MVD: variants seen among roughly 807,000 people sequenced by gnomAD.
The protein encoded by MVD is diphosphomevalonate decarboxylase.
Under a neutral mutation model 42.4 loss-of-function variants are expected in MVD, and 52 were observed. The observed-to-expected ratio is 1.23, with a 90% CI of 0.98 to 1.55. The LOEUF is 1.55. MVD is among the 40% of genes most tolerant of loss of function. The probability of loss-of-function intolerance (pLI) is 0.00; values close to 1 mark genes in which losing one functional copy is unlikely to be tolerated. For synonymous variants in MVD, 287 were observed against 243.2 expected (o/e 1.18, Z -1.68); for missense variants, 663 against 572.1 (o/e 1.16, Z -1.62).
At chr16:88,659,803 T>C (rs959657325) in intron 1 of MVD, among the ~76,000 whole-genome samples, 1 of 151,666 alleles carries the variant, frequency 6.6e-6, no homozygotes, top group Non-Finnish European at 1.5e-5. Context: ...CCATCTCTAC[T>C]AAAAATACAA....
intron 1 of MVD, chr16:88,662,576 A>T: frequency 1.2e-6 from 1 of 832,872 alleles, no homozygotes; most frequent in Non-Finnish European, 1.6e-6. Context: ...GGAGGGACAC[A>T]GGGTCTCGGG....
intron 1 of MVD, 47 bp from the exon 2 acceptor site, chr16:88,658,767 C>CCCCCCCCCCCTT: frequency 2.0e-6 from 3 of 1,491,542 alleles, no homozygotes; most frequent in Non-Finnish European, 1.8e-6. Context: ...CCGGCCCACC[C>CCCCCCCCCCCTT]TCCCCCAGTG....
chr16:88,657,902 G>T lies in MVD; in HGVS notation c.256+13C>A. Reference sequence around the variant, plus strand: ...CAACAGGGAGGGATGGGCTTATGGGGACCCCAGCTCACTCTCCCGCAGGCA... The same window carrying T: ...CAACAGGGAGGGATGGGCTTATGGGTACCCCAGCTCACTCTCCCGCAGGCA... On this transcript the variant is annotated intron_variant, in intron 3 of 9. Transcript: ENST00000301012. 1 of 1,610,652 alleles carries T rather than the reference G, an allele frequency of 6.2e-7. No individual in the cohort carries two copies. The highest frequency in any genetic ancestry group is 8.5e-7 in the Non-Finnish European group (1 of 1,178,046).
In MVD at chr16:88,653,285, A is replaced by G. The variant is rs776796831; in HGVS notation, c.1122+15T>C. On this transcript the variant is annotated intron_variant, in intron 9 of 9. Coordinates refer to ENST00000301012, the MANE Select transcript of MVD (RefSeq NM_002461.3). The stretch of plus-strand genomic sequence containing the variant: ...AAAGGAAACCCCGGGGTACTGGGTG[A>G]GCCCCAGGCCTCACCTGAGTGACAA... 1 of 1,589,714 alleles carries G rather than the reference A, an allele frequency of 6.3e-7. No individual in the cohort carries two copies. The highest frequency in any genetic ancestry group is 8.5e-7 in the Non-Finnish European group (1 of 1,170,328).
Position 88,655,264 on chromosome 16 carries a change from T to TGAGGTAAGAGATGGGCGGG in MVD, c.813_831dup (p.Asn278ProfsTer34). ...TGGATGATGCGCCAGGAGATGGCAT[T>TGAGGTAAGAGATGGGCGGG]GAGGTAAGAGATGGGCGGGAAGGTG... On this transcript the variant is annotated frameshift_variant, in exon 7 of 10. Coordinates refer to ENST00000301012, the MANE Select transcript of MVD (RefSeq NM_002461.3). 1 of 1,590,406 alleles carries TGAGGTAAGAGATGGGCGGG rather than the reference T, an allele frequency of 6.3e-7. No individual in the cohort carries two copies. The highest frequency in any genetic ancestry group is 1.1e-5 in the South Asian group (1 of 87,324).
chr16:88,652,705 C>T (rs1907651414), intron 9 of MVD, 100 bp from the exon 10 acceptor site: 8 of 1,171,452 alleles, frequency 6.8e-6, no homozygotes, highest in African/African-American at 1.5e-5. Flanking sequence ...GGTGTGCCCC[C>T]GCCCTTCCTG....
intron 1 of MVD, among the ~76,000 whole-genome samples, chr16:88,659,581 C>T (rs1465298690): frequency 6.6e-6 from 1 of 152,176 alleles, no homozygotes; most frequent in Non-Finnish European, 1.5e-5. Context: ...TTCTTTTCTG[C>T]TTGCCCTAGA....
intron 8 of MVD, among the ~76,000 whole-genome samples, 178 bp downstream of exon 8, chr16:88,654,514 G>A (rs1012141718): frequency 8.5e-5 from 13 of 152,202 alleles, no homozygotes; most frequent in African/African-American, 3.1e-4. Flanking sequence ...CCCTGTGGAC[G>A]TGGGCTGTGG....
chr16:88,653,196 T>C, intron 9 of MVD, 104 bp downstream of exon 9: 5 of 839,618 alleles, frequency 6.0e-6, no homozygotes, highest in African/African-American at 3.5e-5. Context: ...TGAGACACGG[T>C]AGGGACAGGG....
chr16:88,662,755 T>C, intron 1 of MVD: 16 of 1,480,940 alleles, frequency 1.1e-5, no homozygotes, highest in Middle Eastern at 1.7e-4. Flanking sequence ...AGTTCGGTAA[T>C]CGCTAATGGG....
Position 88,652,349 on chromosome 16 carries a change from C to G in MVD, c.*176G>C, listed in dbSNP as rs986186808. On this transcript the variant is annotated 3_prime_UTR_variant, in exon 10 of 10. Coordinates refer to ENST00000301012, the MANE Select transcript of MVD (RefSeq NM_002461.3). ...GCTGAAGCACTCGGCGGGGACCTCT[C>G]CTGACACCTGGGCGGCCGCAGGACT... The G allele has an allele frequency of 1.4e-6, 1 of 698,286 alleles. No homozygotes were observed. The highest frequency in any genetic ancestry group is 1.8e-5 in the African/African-American group (1 of 57,114). 43.3% of individuals were successfully genotyped at this position (698,286 alleles called of 1,614,324 possible).
In MVD at chr16:88,658,718, C is replaced by T; in HGVS notation, c.73G>A (p.Gly25Ser). Residue 25 changes from glycine (G) to serine (S), a missense_variant and splice_region_variant, in exon 2 of 10, where the codon GGC (glycine) becomes AGC (serine). Coordinates refer to ENST00000301012, the MANE Select transcript of MVD (RefSeq NM_002461.3). Reference sequence around the variant, plus strand: ...AGAACCAGCTCTTCATCGCGCTTGCCCCCTGTAATGAACAGCCAGGGCCAG... The same window carrying T: ...AGAACCAGCTCTTCATCGCGCTTGCTCCCTGTAATGAACAGCCAGGGCCAG... ...PVNIAVIKYWGKRDEELVLPI... is the reference protein window; with the variant it reads ...PVNIAVIKYWSKRDEELVLPI... 1.2e-6 allele frequency: 2 copies of T among 1,611,880 alleles called. No homozygotes were observed. The highest frequency in any genetic ancestry group is 1.7e-6 in the Non-Finnish European group (2 of 1,179,158).
At chr16:88,655,893 G>T in intron 5 of MVD, 163 bp from the exon 6 acceptor site, 1 of 1,104,864 alleles carries the variant, frequency 9.1e-7, no homozygotes, top group Non-Finnish European at 1.3e-6. Context: ...CAGGGGTGAC[G>T]CAGGGGCAAC....
rs529892701 is a variant in MVD, at chr16:88,654,886, G to T, written c.898-79C>A. On this transcript the variant is annotated intron_variant, in intron 7 of 9. Transcript: ENST00000301012. ...CCCCAACCCTCTGGTCTGCCAGGCG[G>T]CCTTGGGCTCTCCAAGAGCTCAGTC... 6 of 1,373,156 alleles carry T rather than the reference G, an allele frequency of 4.4e-6. No homozygotes were observed. The East Asian group carries it at 1.2e-4, about 28-fold the overall frequency. 85.1% of individuals were successfully genotyped at this position (1,373,156 alleles called of 1,614,324 possible).
intron 1 of MVD, chr16:88,662,017 T>G (rs1028484679): frequency 1.3e-5 from 2 of 151,998 alleles, no homozygotes; most frequent in East Asian, 3.9e-4. Context: ...CATATATATA[T>G]ATCTACCATC....
intron 2 of MVD, 92 bp from the exon 3 acceptor site, chr16:88,658,121 C>CAAGG: frequency 7.7e-7 from 1 of 1,293,258 alleles, no homozygotes; most frequent in South Asian, 1.2e-5. Flanking sequence ...CTCATGGCTG[C>CAAGG]CCACTCGAGC....
In MVD at chr16:88,655,706, C is replaced by G; in HGVS notation, c.628G>C (p.Gly210Arg). 6.4e-7 allele frequency: 1 copy of G among 1,560,114 alleles called. No homozygotes were observed. Among genetic ancestry groups the G allele is most frequent in the Non-Finnish European group, 8.7e-7 (1 of 1,152,126 alleles). ...LVVSAEKKLT[G>R]STVGMRASVE... ...CTGGCCCGCATGCCCACGGTACTGC[C>G]TGTCAGCTTCTTCTCAGCGCTCACC... Residue 210 changes from glycine to arginine, a missense_variant, in exon 6 of 10, where the codon GGC (glycine) becomes CGC (arginine). By Grantham distance (125) the Gly-to-Arg change is moderately radical. Coordinates refer to ENST00000301012, the MANE Select transcript of MVD (RefSeq NM_002461.3).
At chr16:88,656,678 G>T in intron 4 of MVD, 1 of 323,272 alleles carries the variant, frequency 3.1e-6, no homozygotes. Context: ...ACCGATGCCA[G>T]GACAGAGCTG....
intron 1 of MVD, chr16:88,658,953 G>A (rs116942629): frequency 0.035 from 18,485 of 533,236 alleles, 553 homozygotes; most frequent in South Asian, 0.088. Context: ...CTCCGTCCCC[G>A]CTCCCCATTC....
Sources: allele counts gnomAD v4.1 joint callset (sites outside exome capture counted in the v4.1 genomes callset), GRCh38; gene constraint gnomAD v4.1.1; transcripts MANE v1.5; gene names NCBI Gene and HGNC (gene_info 2026-07-23, HGNC 2026-07-21).